NLGN1: variants seen among roughly 807,000 people sequenced by gnomAD.
The protein encoded by NLGN1 is neuroligin-1.
Under a neutral mutation model 65.5 loss-of-function variants are expected in NLGN1, and 12 were observed. The observed-to-expected ratio is 0.18, with a 90% CI of 0.12 to 0.30. The LOEUF is 0.30. NLGN1 is among the 10% of genes least tolerant of loss of function. The pLI, the probability that NLGN1 is intolerant of heterozygous loss-of-function variation, is 1.00. For missense variants in NLGN1, 750 were observed against 1,007.1 expected (o/e 0.74, Z 3.46); for synonymous variants, 350 against 359.5 (o/e 0.97, Z 0.30).
intron 4 of NLGN1, among the ~76,000 whole-genome samples, chr3:174,071,947 G>A (rs1739977341): frequency 6.6e-6 from 1 of 152,150 alleles, no homozygotes; most frequent in Non-Finnish European, 1.5e-5. Flanking sequence ...CCCTTCTGAA[G>A]AAGTTAGCAT....
intron 4 of NLGN1, among the ~76,000 whole-genome samples, chr3:174,118,414 T>C (rs1218283028): frequency 1.3e-5 from 2 of 152,160 alleles, no homozygotes; most frequent in Non-Finnish European, 2.9e-5. Context: ...CAAAGCCTGT[T>C]TGTTGCAGGC....
chr3:174,000,962 C>T (rs1345147291), intron 4 of NLGN1, among the ~76,000 whole-genome samples: 1 of 152,078 alleles, frequency 6.6e-6, no homozygotes, highest in East Asian at 1.9e-4. Flanking sequence ...TCAAGGACTC[C>T]ATGTGTATTG....
At position 173,876,367 on chromosome 3, in the gene NLGN1, A is replaced by T. The variant is rs549405794; in HGVS notation, c.646+68535A>T. On this transcript the variant is annotated intron_variant, in intron 4 of 6. Coordinates refer to ENST00000457714, the Ensembl canonical transcript of NLGN1. ...CATTTTACTTTAAAAATTTAGCAAG[A>T]TTTAATTAATTCTAATTAATTAAAA... is the stretch of plus-strand genomic sequence containing the variant. Among the ~76,000 whole-genome samples, 404 of 152,292 alleles carry T rather than the reference A, an allele frequency of 2.7e-3. 4 individuals carry two copies. Among genetic ancestry groups the T allele is most frequent in the African/African-American group, 9.2e-3 (381 of 41,570 alleles).
rs189100774 is a variant in NLGN1, at chr3:173,499,652, G to T, written c.-321+64574G>T. 3.6e-4 allele frequency among the ~76,000 whole-genome samples: 54 copies of T among 151,934 alleles called. 2 individuals carry two copies. The highest frequency in any genetic ancestry group is 1.2e-3 in the African/African-American group (50 of 41,238). On this transcript the variant is annotated intron_variant, in intron 2 of 6. Coordinates refer to ENST00000457714, the Ensembl canonical transcript of NLGN1. ...TCTATAAATTACCTCGGGCAGTGTG[G>T]CCATTTTCACGATATTGTTTCTTCC...
chr3:173,408,145 G>T (rs764438380), intron 1 of NLGN1, among the ~76,000 whole-genome samples: 12 of 151,898 alleles, frequency 7.9e-5, no homozygotes, highest in Non-Finnish European at 1.6e-4. Context: ...GCCTACATAT[G>T]GTTCTCTAGC....
chr3:174,065,937 G>A (rs1738453289), intron 4 of NLGN1, among the ~76,000 whole-genome samples: 1 of 152,116 alleles, frequency 6.6e-6, no homozygotes, highest in African/African-American at 2.4e-5. Flanking sequence ...AATCACATGA[G>A]TGAGCCAGAA....
chr3:174,190,885 A>G (rs9883446), intron 4 of NLGN1, among the ~76,000 whole-genome samples: 31,916 of 151,882 alleles, frequency 0.21, 3,772 homozygotes, highest in African/African-American at 0.31. Context: ...AAAAACCCTG[A>G]TTTTCAAGAA....
chr3:173,897,654 C>CCT (rs1204394739), intron 4 of NLGN1, among the ~76,000 whole-genome samples: 6 of 152,010 alleles, frequency 3.9e-5, no homozygotes, highest in South Asian at 2.1e-4. Flanking sequence ...ATACTGATAC[C>CCT]CTCATTTGGA....
At chr3:173,658,621 G>T (rs538245801) in intron 3 of NLGN1, among the ~76,000 whole-genome samples, 41 of 152,100 alleles carry the variant, frequency 2.7e-4, no homozygotes, top group African/African-American at 9.1e-4. Flanking sequence ...ATGATTCAGT[G>T]AAGGCATCAC....
At chr3:173,653,858 C>G (rs559430877) in intron 3 of NLGN1, among the ~76,000 whole-genome samples, 3 of 152,172 alleles carry the variant, frequency 2.0e-5, no homozygotes, top group African/African-American at 7.2e-5. Flanking sequence ...TTCTAGCAAC[C>G]TCTTAGGACC....
At chr3:173,532,208 G>T (rs1736688417) in intron 2 of NLGN1, among the ~76,000 whole-genome samples, 2 of 151,992 alleles carry the variant, frequency 1.3e-5, no homozygotes, top group Admixed American at 1.3e-4. Flanking sequence ...CTCTTCATTT[G>T]CTATATACAT....
intron 2 of NLGN1, among the ~76,000 whole-genome samples, chr3:173,596,146 T>C (rs1446171039): frequency 6.6e-6 from 1 of 152,252 alleles, no homozygotes; most frequent in Admixed American, 6.5e-5. Context: ...ATGTTAAGTT[T>C]TAGTTGGCCT....
chr3:174,276,400 T>TA (rs1188520049), intron 5 of NLGN1, among the ~76,000 whole-genome samples: 1 of 151,954 alleles, frequency 6.6e-6, no homozygotes, highest in African/African-American at 2.4e-5. Context: ...GCAAAGCAAA[T>TA]ACTTTTTCTG....
At chr3:174,116,633 C>T (rs1716546277) in intron 4 of NLGN1, among the ~76,000 whole-genome samples, 1 of 152,078 alleles carries the variant, frequency 6.6e-6, no homozygotes, top group Non-Finnish European at 1.5e-5. Context: ...TCACCATGCC[C>T]GCCCAACATG....
At chr3:173,516,879 T>C (rs947734893) in intron 2 of NLGN1, among the ~76,000 whole-genome samples, 3 of 152,080 alleles carry the variant, frequency 2.0e-5, no homozygotes, top group African/African-American at 7.2e-5. Flanking sequence ...GGTAGTAATA[T>C]GAATAATACA....
chr3:174,093,448 C>T (rs551068890), intron 4 of NLGN1, among the ~76,000 whole-genome samples: 38 of 152,194 alleles, frequency 2.5e-4, no homozygotes, highest in African/African-American at 6.3e-4. Flanking sequence ...ATGAGCTATG[C>T]GTTAGAGGAA....
intron 2 of NLGN1, among the ~76,000 whole-genome samples, chr3:173,443,505 G>A (rs1719607391): frequency 6.6e-6 from 1 of 151,784 alleles, no homozygotes; most frequent in Admixed American, 6.6e-5. Flanking sequence ...CATTTAATGA[G>A]AATGGAAAAA....
At chr3:173,669,594 T>A (rs1236982846) in intron 3 of NLGN1, among the ~76,000 whole-genome samples, 1 of 152,160 alleles carries the variant, frequency 6.6e-6, no homozygotes, top group African/African-American at 2.4e-5. Context: ...TTAATTCAAC[T>A]AGTTACACCC....
At chr3:173,759,698 A>G (rs998842166) in intron 3 of NLGN1, among the ~76,000 whole-genome samples, 2 of 151,782 alleles carry the variant, frequency 1.3e-5, no homozygotes, top group Non-Finnish European at 2.9e-5. Context: ...CCATGTAACT[A>G]TTGCCATTTT....
Sources: gnomAD v4.1 joint callset for allele counts (sites outside exome capture counted in the v4.1 genomes callset) on GRCh38, gnomAD v4.1.1 for gene constraint, MANE v1.5 for transcripts, NCBI Gene and HGNC (gene_info 2026-07-23, HGNC 2026-07-21) for gene names.